The following PTK2B variants were observed in gnomAD, a reference collection of about 807,000 sequenced individuals.
PTK2B encodes protein tyrosine kinase 2 beta.
Under a neutral mutation model 142.9 loss-of-function variants are expected in PTK2B, and 71 were observed. The ratio of observed to expected loss-of-function variants is 0.50; its 90% CI spans 0.41 to 0.61. The LOEUF is 0.61. Among genes scored for constraint, PTK2B ranks in the 20% least tolerant of loss-of-function variants. PTK2B has a pLI of 0.00. For synonymous variants in PTK2B, 519 were observed against 503.4 expected (o/e 1.03, Z -0.42); for missense variants, 1,105 against 1,320.4 (o/e 0.84, Z 2.53).
chr8:27,361,359 C>T lies in PTK2B; in HGVS notation c.-38+35678C>T, dbSNP rs184973843. Among the ~76,000 whole-genome samples the T allele has an allele frequency of 8.5e-5, 13 of 152,252 alleles. No homozygotes were observed. In the East Asian group the frequency reaches 1.5e-3, roughly 18 times the overall value. On this transcript the variant is annotated intron_variant, in intron 1 of 30. Transcript: ENST00000346049. Reference sequence around the variant, plus strand: ...TTAGCCTCCCGAGTAGCTGGGACCACAGGCATGCACCACCATGCCTGGCTA... The same window carrying T: ...TTAGCCTCCCGAGTAGCTGGGACCATAGGCATGCACCACCATGCCTGGCTA...
chr8:27,451,515 T>C lies in PTK2B; in HGVS notation c.2548+6T>C, dbSNP rs1207498257. ...AGAGAAGGAGGTCGGCTACCGTGAG[T>C]GTTCCCGCCCTTCTTCGGGGGGTTT... On this transcript the variant is annotated splice_donor_region_variant and intron_variant, in intron 27 of 30. Transcript: ENST00000346049. The C allele has an allele frequency of 1.9e-6, 3 of 1,613,994 alleles. No individual in the cohort carries two copies.
chr8:27,365,188 G>A lies in PTK2B; in HGVS notation c.-37-32360G>A, dbSNP rs149790495. ...CCAGACATAATTTCATGTCCCCTTC[G>A]CTTGCGCTAACCACACTGTGCTGCG... On this transcript the variant is annotated intron_variant, in intron 1 of 30. Coordinates refer to ENST00000346049, the MANE Select transcript of PTK2B (RefSeq NM_173176.3). Among the ~76,000 whole-genome samples the A allele has an allele frequency of 1.5e-3, 233 of 152,202 alleles. 1 individual carries two copies. Among genetic ancestry groups the A allele is most frequent in the African/African-American group, 4.7e-3 (196 of 41,502 alleles).
At chr8:27,333,499 G>T (rs1803880453) in intron 1 of PTK2B, among the ~76,000 whole-genome samples, 1 of 152,164 alleles carries the variant, frequency 6.6e-6, no homozygotes, top group South Asian at 2.1e-4. Flanking sequence ...TGAATAAATT[G>T]CGTAACTCAG....
At chr8:27,369,041 G>A (rs1328345994) in intron 1 of PTK2B, among the ~76,000 whole-genome samples, 2 of 152,204 alleles carry the variant, frequency 1.3e-5, no homozygotes, top group Non-Finnish European at 2.9e-5. Flanking sequence ...GCATTTCTCA[G>A]CATCTCTATT....
At chr8:27,389,986 G>A (rs1807610916) in intron 1 of PTK2B, among the ~76,000 whole-genome samples, 2 of 152,242 alleles carry the variant, frequency 1.3e-5, no homozygotes, top group South Asian at 4.1e-4. Flanking sequence ...GGAAAGGGCT[G>A]CGTTCTCCAT....
intron 1 of PTK2B, among the ~76,000 whole-genome samples, chr8:27,359,484 C>A (rs906764709): frequency 6.6e-6 from 1 of 152,150 alleles, no homozygotes; most frequent in Non-Finnish European, 1.5e-5. Context: ...TAATCTATAA[C>A]GTGCATCTGC....
At chr8:27,355,931 G>A (rs1443332811) in intron 1 of PTK2B, among the ~76,000 whole-genome samples, 1 of 151,778 alleles carries the variant, frequency 6.6e-6, no homozygotes, top group Non-Finnish European at 1.5e-5. Flanking sequence ...GCTGAGGCCC[G>A]AGAATTGCTT....
chr8:27,434,189 G>C, intron 12 of PTK2B, 57 bp downstream of exon 12: 1 of 1,582,022 alleles, frequency 6.3e-7, no homozygotes. Flanking sequence ...GCTGCTGAGA[G>C]GAATAAGAAT....
At chr8:27,316,776 G>A (rs369338443) in intron 3 of PTK2B, among the ~76,000 whole-genome samples, 1 of 152,236 alleles carries the variant, frequency 6.6e-6, no homozygotes, top group African/African-American at 2.4e-5. Flanking sequence ...GTGAGAAATA[G>A]TGTTTAATCC....
intron 2 of PTK2B, among the ~76,000 whole-genome samples, chr8:27,406,606 T>C (rs1808728694): frequency 6.6e-6 from 1 of 151,996 alleles, no homozygotes; most frequent in Non-Finnish European, 1.5e-5. Flanking sequence ...CAGCGGGAAA[T>C]GTGTAGGGGC....
upstream of PTK2B, among the ~76,000 whole-genome samples, chr8:27,321,718 G>A (rs1803221064): frequency 6.6e-6 from 1 of 152,202 alleles, no homozygotes; most frequent in Non-Finnish European, 1.5e-5. Flanking sequence ...GTCGCACCTG[G>A]TCACACATGC....
At position 27,436,259 on chromosome 8, in the gene PTK2B, T is replaced by C. The variant is rs1480446100; in HGVS notation, c.1252T>C (p.Tyr418His). The change falls in exon 15 of 31, where the codon TAT becomes CAT. Residue 418 changes from tyrosine to histidine, a missense_variant. Transcript: ENST00000346049. Reference sequence around the variant, plus strand: ...TTTCTCTGTCTGTGCAGGTCCACAGTATGGCATTGCCCGTGAAGATGTGGT... The same window carrying C: ...TTTCTCTGTCTGTGCAGGTCCACAGCATGGCATTGCCCGTGAAGATGTGGT... ...ETLRRPGGPQ[Y>H]GIAREDVVLN... is the part of the protein sequence containing the mutation. 1 of 1,614,176 alleles carries C rather than the reference T, an allele frequency of 6.2e-7. No individual in the cohort carries two copies. The highest frequency in any genetic ancestry group is 2.2e-5 in the East Asian group (1 of 44,882).
At position 27,454,732 on chromosome 8, in the gene PTK2B, G is replaced by C. The variant is rs917496175; in HGVS notation, c.2814+121G>C. 4 of 1,076,032 alleles carry C rather than the reference G, an allele frequency of 3.7e-6. No homozygotes were observed. The African/African-American group carries it at 4.7e-5, about 13-fold the overall frequency. The allele number at this position is 1,076,032 out of a possible 1,614,324, so 66.7% of individuals were successfully genotyped here. On this transcript the variant is annotated intron_variant, in intron 30 of 30. Coordinates refer to ENST00000346049, the MANE Select transcript of PTK2B (RefSeq NM_173176.3). ...TGTCTGTCCACTGAGTCCCCACCAG[G>C]TGGGTTCTATGTGGCTTATCCATCA... is the stretch of plus-strand genomic sequence containing the variant.
chr8:27,360,804 A>G (rs1312468177), intron 1 of PTK2B, among the ~76,000 whole-genome samples: 1 of 152,124 alleles, frequency 6.6e-6, no homozygotes, highest in African/African-American at 2.4e-5. Flanking sequence ...CCAAAACTGC[A>G]TTTCTCTCGC....
At chr8:27,336,698 T>C (rs1804085532) in intron 1 of PTK2B, among the ~76,000 whole-genome samples, 1 of 152,232 alleles carries the variant, frequency 6.6e-6, no homozygotes, top group Non-Finnish European at 1.5e-5. Flanking sequence ...AACTGTTCAC[T>C]CCCATCTCTG....
At chr8:27,342,516 G>A (rs748838652) in intron 1 of PTK2B, among the ~76,000 whole-genome samples, 2 of 151,980 alleles carry the variant, frequency 1.3e-5, no homozygotes, top group East Asian at 1.9e-4. Flanking sequence ...TGCCCACAGC[G>A]CCCTGACGAC....
chr8:27,331,233 C>T (rs1216101078), intron 1 of PTK2B, among the ~76,000 whole-genome samples: 1 of 152,100 alleles, frequency 6.6e-6, no homozygotes, highest in African/African-American at 2.4e-5. Context: ...CTTTTAATGC[C>T]CTTTCTTTCT....
chr8:27,432,229 T>C, intron 9 of PTK2B, 31 bp from the exon 10 acceptor site: 1 of 1,603,350 alleles, frequency 6.2e-7, no homozygotes, highest in Non-Finnish European at 8.5e-7. Context: ...GGTAGTGGGA[T>C]GGTCTGAAGC....
chr8:27,380,889 A>G (rs1470229319), intron 1 of PTK2B: 1 of 152,216 alleles, frequency 6.6e-6, no homozygotes, highest in Non-Finnish European at 1.5e-5. Flanking sequence ...CTGAGATGTT[A>G]GGAAGGTGGG....
Sources: gnomAD v4.1 joint callset for allele counts (sites outside exome capture counted in the v4.1 genomes callset) on GRCh38, gnomAD v4.1.1 for gene constraint, MANE v1.5 for transcripts, NCBI Gene and HGNC (gene_info 2026-07-23, HGNC 2026-07-21) for gene names.